RCSD1: variants seen among roughly 807,000 people sequenced by gnomAD.
The protein encoded by RCSD1 is RCSD domain containing 1, also known as capZ-interacting protein.
In RCSD1, 26 loss-of-function variants were observed where a neutral mutation model predicts 42.5. That is an observed-to-expected ratio of 0.61 (90% confidence interval 0.45 to 0.85). The LOEUF (loss-of-function observed/expected upper bound fraction) is 0.85. Among genes scored for constraint, RCSD1 ranks in the 40% least tolerant of loss-of-function variants. The probability of loss-of-function intolerance (pLI) is 0.00; values close to 1 mark genes in which losing one functional copy is unlikely to be tolerated. For synonymous variants in RCSD1, 220 were observed against 212.2 expected (o/e 1.04, Z -0.32); for missense variants, 571 against 528.3 (o/e 1.08, Z -0.79).
chr1:167,636,331 T>C (rs1250535766), intron 1 of RCSD1, among the ~76,000 whole-genome samples: 2 of 152,112 alleles, frequency 1.3e-5, no homozygotes, highest in Non-Finnish European at 2.9e-5. Flanking sequence ...TGAATAGTAT[T>C]AGAAGCCTCC....
At chr1:167,638,621 G>A (rs1318743655) in intron 1 of RCSD1, among the ~76,000 whole-genome samples, 1 of 152,176 alleles carries the variant, frequency 6.6e-6, no homozygotes, top group Admixed American at 6.5e-5. Context: ...CTGTGGTGGA[G>A]GCCAGCCAGC....
chr1:167,668,936 G>C (rs1658726547), intron 1 of RCSD1, among the ~76,000 whole-genome samples: 1 of 152,194 alleles, frequency 6.6e-6, no homozygotes, highest in Non-Finnish European at 1.5e-5. Context: ...ACTTTGTGTA[G>C]TGTTTTGCAA....
chr1:167,635,657 G>A (rs1016149370), intron 1 of RCSD1, among the ~76,000 whole-genome samples: 1 of 152,134 alleles, frequency 6.6e-6, no homozygotes, highest in South Asian at 2.1e-4. Context: ...AGGCAGCTCC[G>A]CTTTTCTCCA....
Position 167,640,095 on chromosome 1 carries a change from G to A in RCSD1, c.6+9666G>A, listed in dbSNP as rs896472070. Among the ~76,000 whole-genome samples, 12 of 152,348 alleles carry A rather than the reference G, an allele frequency of 7.9e-5. No homozygotes were observed. The East Asian group carries it at 1.2e-3, about 15-fold the overall frequency. ...GGCACTCCAGGCTGCTATACAGTGCGGAAGTGCTGCCCAGGTGGAGAATCT... is the reference window on the plus strand; with the variant it reads ...GGCACTCCAGGCTGCTATACAGTGCAGAAGTGCTGCCCAGGTGGAGAATCT... On this transcript the variant is annotated intron_variant, in intron 1 of 6. Coordinates refer to ENST00000367854, the MANE Select transcript of RCSD1 (RefSeq NM_052862.4).
At chr1:167,662,382 G>A (rs548431307) in intron 1 of RCSD1, among the ~76,000 whole-genome samples, 1 of 152,208 alleles carries the variant, frequency 6.6e-6, no homozygotes, top group African/African-American at 2.4e-5. Flanking sequence ...GTATATGCAG[G>A]CTGTCTTGAT....
chr1:167,647,575 A>G (rs1658189776), intron 1 of RCSD1, among the ~76,000 whole-genome samples: 2 of 151,998 alleles, frequency 1.3e-5, no homozygotes, highest in South Asian at 4.1e-4. Flanking sequence ...AACTAAATTA[A>G]TTAAATAAAT....
intron 1 of RCSD1, among the ~76,000 whole-genome samples, chr1:167,637,437 C>T (rs910893791): frequency 2.6e-4 from 40 of 152,238 alleles, no homozygotes; most frequent in Middle Eastern, 3.4e-3. Flanking sequence ...GGTATGTGGG[C>T]GTTCAAAAGC....
At chr1:167,649,815 G>T (rs577423620) in intron 1 of RCSD1, among the ~76,000 whole-genome samples, 14 of 152,280 alleles carry the variant, frequency 9.2e-5, no homozygotes, top group Non-Finnish European at 2.1e-4. Flanking sequence ...GGACCTGTGT[G>T]TTAATGGGGA....
chr1:167,680,588 C>T (rs940399400), intron 1 of RCSD1, among the ~76,000 whole-genome samples: 3 of 152,158 alleles, frequency 2.0e-5, no homozygotes, highest in African/African-American at 7.2e-5. Context: ...CCGAGTGATC[C>T]TCTCTCCTCA....
At chr1:167,630,655 A>G (rs1657671767) in intron 1 of RCSD1, 1 of 295,012 alleles carries the variant, frequency 3.4e-6, no homozygotes, top group Non-Finnish European at 6.2e-6. Context: ...TGGTAAGGAA[A>G]GATCTCAGAG....
intron 1 of RCSD1, among the ~76,000 whole-genome samples, chr1:167,646,408 G>T (rs1658146381): frequency 6.7e-6 from 1 of 148,406 alleles, no homozygotes; most frequent in East Asian, 2.0e-4. Context: ...GTGAAAGAGG[G>T]CTTGGGAGTT....
chr1:167,642,193 G>A (rs1225753924), intron 1 of RCSD1, among the ~76,000 whole-genome samples: 1 of 152,194 alleles, frequency 6.6e-6, no homozygotes, highest in Non-Finnish European at 1.5e-5. Flanking sequence ...AGAGCTAGAA[G>A]TACTTCACAA....
intron 1 of RCSD1, among the ~76,000 whole-genome samples, chr1:167,646,420 T>C (rs1658146781): frequency 7.0e-6 from 1 of 143,162 alleles, no homozygotes; most frequent in Admixed American, 7.3e-5. Flanking sequence ...TTGGGAGTTA[T>C]AGCCGACCAT....
At chr1:167,675,387 T>C (rs573182408) in intron 1 of RCSD1, among the ~76,000 whole-genome samples, 4 of 152,070 alleles carry the variant, frequency 2.6e-5, no homozygotes, top group Admixed American at 1.3e-4. Context: ...GCAGGGGAAC[T>C]CCCCTTTATA....
At chr1:167,675,338 A>T (rs889167486) in intron 1 of RCSD1, among the ~76,000 whole-genome samples, 5 of 152,152 alleles carry the variant, frequency 3.3e-5, no homozygotes, top group African/African-American at 1.2e-4. Context: ...AAAGAGAAGC[A>T]AAGACACGGC....
chr1:167,637,889 T>G (rs1274943648), intron 1 of RCSD1, among the ~76,000 whole-genome samples: 1 of 152,156 alleles, frequency 6.6e-6, no homozygotes, highest in South Asian at 2.1e-4. Context: ...AGACAAGGGA[T>G]GCACCAGGGT....
chr1:167,664,571 A>T (rs1344112462), intron 1 of RCSD1: 1 of 152,262 alleles, frequency 6.6e-6, no homozygotes, highest in Non-Finnish European at 1.5e-5. Flanking sequence ...GTATACAGTC[A>T]TATAGCCACC....
chr1:167,694,060 C>A (rs753228075), intron 4 of RCSD1, 39 bp from the exon 5 acceptor site: 6 of 1,601,526 alleles, frequency 3.7e-6, no homozygotes, highest in Middle Eastern at 1.7e-4. Context: ...CTGATCTTCT[C>A]CCTAGTCCTA....
intron 1 of RCSD1, chr1:167,640,709 C>G (rs1249585713): frequency 6.6e-6 from 1 of 152,282 alleles, no homozygotes; most frequent in Non-Finnish European, 1.5e-5. Flanking sequence ...ACCACCACAC[C>G]CAGGTAATGT....
Sources: gnomAD v4.1 joint callset for allele counts (sites outside exome capture counted in the v4.1 genomes callset) on GRCh38, gnomAD v4.1.1 for gene constraint, MANE v1.5 for transcripts, NCBI Gene and HGNC (gene_info 2026-07-23, HGNC 2026-07-21) for gene names.